Variants in MPHOSPH8 observed in about 807,000 individuals in gnomAD.
MPHOSPH8 encodes the protein M-phase phosphoprotein 8, also known as M-phase phosphoprotein, mpp.
Under a neutral mutation model 87.3 loss-of-function variants are expected in MPHOSPH8, and 45 were observed. That is an observed-to-expected ratio of 0.52 (90% CI 0.41 to 0.66). MPHOSPH8 has a LOEUF of 0.66. MPHOSPH8 is among the 30% of genes least tolerant of loss of function. The pLI is 0.00. For missense variants in MPHOSPH8, 883 were observed against 1,020.2 expected (o/e 0.87, Z 1.83); for synonymous variants, 366 against 376.9 (o/e 0.97, Z 0.33).
intron 2 of MPHOSPH8, among the ~76,000 whole-genome samples, chr13:19,644,616 C>CA (rs1215413896): frequency 1.3e-5 from 2 of 152,246 alleles, no homozygotes; most frequent in East Asian, 3.8e-4. Context: ...CAGTCCCCAG[C>CA]AGAGGTGCAT....
chr13:19,662,428 T>A (rs1055183591), intron 8 of MPHOSPH8, among the ~76,000 whole-genome samples: 1 of 152,090 alleles, frequency 6.6e-6, no homozygotes, highest in African/African-American at 2.4e-5. Context: ...TGGCTAATTT[T>A]AAAAATTTTT....
rs1313617739 is a variant in MPHOSPH8, at chr13:19,646,906, A to G, written c.833A>G (p.Asp278Gly). Residue 278 changes from aspartate (D) to glycine (G), a missense_variant, in exon 3 of 14, where the codon GAC becomes GGC. Asp to Gly is a moderately conservative substitution (Grantham distance 94, BLOSUM62 -1). Transcript: ENST00000361479. ...AATGATTCTCCCTTTCCAGAGGATG[A>G]CAGTGAAGGGCTACATTCCGACAGC... The part of the protein sequence containing the change: ...VLNDSPFPED[D>G]SEGLHSDSRE... 4 of 1,603,068 alleles carry G rather than the reference A, an allele frequency of 2.5e-6. No individual in the cohort carries two copies. In the South Asian group the frequency reaches 4.5e-5, roughly 18 times the overall value.
Position 19,668,382 on chromosome 13 carries a change from C to G in MPHOSPH8, c.2180C>G (p.Ser727Ter), listed in dbSNP as rs762209749. The change falls in exon 11 of 14, where the codon TCA (serine) becomes TGA (stop). Residue 727 changes from serine (S) to a stop codon, truncating the protein, a stop_gained. Transcript: ENST00000361479. LOFTEE classifies it high-confidence loss of function. ...DLLKNHLETL[S>*]RVAEETIKDY... ...GTACTATTTTTTTTTCTTAGACTTTCAAGAGTAGCAGAAGAGACAATAAAG... is the reference window on the plus strand; with the variant it reads ...GTACTATTTTTTTTTCTTAGACTTTGAAGAGTAGCAGAAGAGACAATAAAG... The G allele has an allele frequency of 7.5e-6, 12 of 1,610,644 alleles. No homozygotes were observed. The highest frequency in any genetic ancestry group is 2.7e-5 in the African/African-American group (2 of 74,598).
At chr13:19,670,741 CT>C (rs1876074897) in intron 12 of MPHOSPH8, 2 of 1,188,266 alleles carry the variant, frequency 1.7e-6, no homozygotes, top group Non-Finnish European at 1.1e-6. Context: ...CTGTATATTG[CT>C]GGGGGCATTC....
chr13:19,642,039 A>AGT, intron 1 of MPHOSPH8, 76 bp from the exon 2 acceptor site: 7 of 491,718 alleles, frequency 1.4e-5, no homozygotes, highest in Non-Finnish European at 2.2e-5. Context: ...TCTTCTCATC[A>AGT]GTTTTTTTTT....
At chr13:19,658,922 A>G in intron 5 of MPHOSPH8, 73 bp from the exon 6 acceptor site, 1 of 1,561,590 alleles carries the variant, frequency 6.4e-7, no homozygotes, top group Non-Finnish European at 8.7e-7. Flanking sequence ...GACACCACAA[A>G]TTTCATAAAC....
At chr13:19,643,233 A>AT (rs557047125) in intron 2 of MPHOSPH8, among the ~76,000 whole-genome samples, 30 of 151,890 alleles carry the variant, frequency 2.0e-4, no homozygotes, top group Admixed American at 1.7e-3. Flanking sequence ...TAGATGTATG[A>AT]TTTTTTTCTT....
chr13:19,654,321 C>T (rs750329661), intron 5 of MPHOSPH8, among the ~76,000 whole-genome samples: 9 of 152,078 alleles, frequency 5.9e-5, no homozygotes, highest in Non-Finnish European at 1.2e-4. Flanking sequence ...CACACCAGGG[C>T]CTGTCAGGGG....
At chr13:19,663,261 G>T in intron 9 of MPHOSPH8, 135 bp downstream of exon 9, 2 of 763,416 alleles carry the variant, frequency 2.6e-6, no homozygotes, top group South Asian at 1.7e-5. Context: ...TCAGCCGCTT[G>T]CAGGGGAGAA....
intron 9 of MPHOSPH8, among the ~76,000 whole-genome samples, chr13:19,665,075 C>T (rs886846075): frequency 5.9e-5 from 9 of 151,888 alleles, no homozygotes; most frequent in South Asian, 2.1e-4. Flanking sequence ...TGCTGAGGTA[C>T]GTGTGTTGAG....
chr13:19,659,639 G>A, intron 7 of MPHOSPH8: 1 of 416,006 alleles, frequency 2.4e-6, no homozygotes, highest in Non-Finnish European at 4.7e-6. Context: ...ACCCCAGCCT[G>A]GGCAACAGAG....
Position 19,668,399 on chromosome 13 carries a change from A to T in MPHOSPH8, c.2197A>T (p.Thr733Ser), listed in dbSNP as rs756146982. Residue 733 changes from threonine to serine, a missense_variant, in exon 11 of 14, where the codon ACA (threonine) becomes TCA (serine). By Grantham distance (58) the Thr-to-Ser change is moderately conservative (BLOSUM62 1). This residue lies in a region of MPHOSPH8 where 741 missense variants were observed against 841.5 expected (regional missense o/e 0.88). Coordinates refer to ENST00000361479, the MANE Select transcript of MPHOSPH8 (RefSeq NM_017520.4). ...LETLSRVAEE[T>S]IKDYFEARLA... ...TAGACTTTCAAGAGTAGCAGAAGAG[A>T]CAATAAAGGATTACTTTGAAGCTCG... The T allele has an allele frequency of 8.7e-6, 14 of 1,613,806 alleles. No individual in the cohort carries two copies. Among genetic ancestry groups the T allele is most frequent in the Non-Finnish European group, 1.0e-5 (12 of 1,179,886 alleles).
rs1874575708 is a variant in MPHOSPH8, at chr13:19,646,594, AG to A, written c.523del (p.Ala175ProfsTer4). ...SPDDLKKKKA[K>X]AGKLKDKSKP... ...GATGATCTGAAAAAGAAAAAAGCAA[AG>A]GCCGGGAAGCTAAAAGACAAGTCCA... On this transcript the variant is annotated frameshift_variant, in exon 3 of 14. Transcript: ENST00000361479. LOFTEE classifies it high-confidence loss of function. 6.3e-7 allele frequency: 1 copy of A among 1,582,266 alleles called. No individual in the cohort carries two copies. Among genetic ancestry groups the A allele is most frequent in the African/African-American group, 1.4e-5 (1 of 72,558 alleles).
At position 19,649,996 on chromosome 13, in the gene MPHOSPH8, TCG is replaced by T. The variant is rs1256426775; in HGVS notation, c.1319-6_1319-5del. ...TACTTAACCATCTATTTTAATTTTT[TCG>T]TTAGCACTTAAGGAAATCAGAAATG... is the stretch of plus-strand genomic sequence containing the variant. On this transcript the variant is annotated splice_polypyrimidine_tract_variant and splice_region_variant and intron_variant, in intron 4 of 13. Coordinates refer to ENST00000361479, the MANE Select transcript of MPHOSPH8 (RefSeq NM_017520.4). The T allele has an allele frequency of 6.4e-7, 1 of 1,553,332 alleles. No homozygotes were observed. The highest frequency in any genetic ancestry group is 2.0e-5 in the Admixed American group (1 of 49,510).
intron 13 of MPHOSPH8, 49 bp downstream of exon 13, chr13:19,671,338 C>T: frequency 6.6e-7 from 1 of 1,524,352 alleles, no homozygotes; most frequent in Non-Finnish European, 9.1e-7. Flanking sequence ...GTTGTTGCTC[C>T]AGATTACTTT....
chr13:19,663,758 A>T (rs1489850265), intron 9 of MPHOSPH8, among the ~76,000 whole-genome samples: 3 of 152,146 alleles, frequency 2.0e-5, no homozygotes, highest in Non-Finnish European at 4.4e-5. Context: ...ACACCCAGCC[A>T]GTGGTGGCCG....
chr13:19,670,702 TGCTAGATA>T lies in MPHOSPH8; in HGVS notation c.2457+340_2457+347del. On this transcript the variant is annotated intron_variant, in intron 12 of 13. Transcript: ENST00000361479. ...TCCTTGGACTGAATTAAGCAAAATT[TGCTAGATA>T]TAGACATTTTAACACTTGTACTGTA... The T allele has an allele frequency of 2.8e-6, 3 of 1,056,734 alleles. No homozygotes were observed. The South Asian group carries it at 5.4e-5, about 19-fold the overall frequency. The allele number at this position is 1,056,734 out of a possible 1,614,324, so 65.5% of individuals were successfully genotyped here.
chr13:19,650,526 A>C (rs1467493401), intron 5 of MPHOSPH8: 2 of 323,624 alleles, frequency 6.2e-6, no homozygotes, highest in African/African-American at 4.3e-5. Flanking sequence ...ACCTACTCTT[A>C]CCTGGCAGCC....
intron 5 of MPHOSPH8, among the ~76,000 whole-genome samples, chr13:19,657,369 T>G (rs922383962): frequency 6.6e-6 from 1 of 151,324 alleles, no homozygotes; most frequent in African/African-American, 2.4e-5. Context: ...ATACAAAAAT[T>G]AGCCAGGCAG....
Sources: gnomAD v4.1 joint callset for allele counts (sites outside exome capture counted in the v4.1 genomes callset) on GRCh38, gnomAD v4.1.1 for gene constraint, gnomAD v4.1.1 regional missense constraint, MANE v1.5 for transcripts, NCBI Gene and HGNC (gene_info 2026-07-23, HGNC 2026-07-21) for gene names.